Variants in LOC128125817 observed in about 807,000 individuals in gnomAD.
the LOC128125817 span, among the ~76,000 whole-genome samples, chr1:41,602,859 C>T: frequency 1.2e-4 from 18 of 151,948 alleles, no homozygotes; most frequent in Non-Finnish European, 1.9e-4. Flanking sequence ...TTTATCACAA[C>T]GAACTCTCTG....
At chr1:41,626,738 G>A in the LOC128125817 span, among the ~76,000 whole-genome samples, 1 of 152,160 alleles carries the variant, frequency 6.6e-6, no homozygotes, top group East Asian at 1.9e-4. Flanking sequence ...ACCAGGAAGT[G>A]CCCCAGGATG....
At chr1:41,595,146 T>C in the LOC128125817 span, among the ~76,000 whole-genome samples, 1 of 152,242 alleles carries the variant, frequency 6.6e-6, no homozygotes, top group East Asian at 1.9e-4. Context: ...TATACTTTTC[T>C]ACTGGCATTT....
At chr1:41,619,385 T>A in the LOC128125817 span, among the ~76,000 whole-genome samples, 1 of 152,194 alleles carries the variant, frequency 6.6e-6, no homozygotes, top group Non-Finnish European at 1.5e-5. Flanking sequence ...AGATAATATA[T>A]TTACATTTAT....
chr1:41,595,763 T>C, the LOC128125817 span, among the ~76,000 whole-genome samples: 1 of 152,178 alleles, frequency 6.6e-6, no homozygotes, highest in South Asian at 2.1e-4. Flanking sequence ...TAGAAGAACA[T>C]GAAAAGACTA....
At chr1:41,597,422 G>T in the LOC128125817 span, among the ~76,000 whole-genome samples, 7 of 152,190 alleles carry the variant, frequency 4.6e-5, no homozygotes, top group African/African-American at 1.7e-4. Context: ...CTAAACCAAT[G>T]TCCTGTGCCT....
At chr1:41,594,258 T>C in the LOC128125817 span, among the ~76,000 whole-genome samples, 407 of 152,360 alleles carry the variant, frequency 2.7e-3, 3 homozygotes, top group Non-Finnish European at 4.2e-3. Context: ...AGTCTCGCTC[T>C]GTTGCCCAGG....
At chr1:41,610,751 T>C in the LOC128125817 span, among the ~76,000 whole-genome samples, 1 of 152,202 alleles carries the variant, frequency 6.6e-6, no homozygotes, top group Non-Finnish European at 1.5e-5. Context: ...CAATTTCTTG[T>C]GAGGCATTCG....
chr1:41,595,367 T>C, the LOC128125817 span, among the ~76,000 whole-genome samples: 1 of 152,192 alleles, frequency 6.6e-6, no homozygotes, highest in Non-Finnish European at 1.5e-5. Context: ...CCTGTCAAAA[T>C]AGGGCCCACC....
the LOC128125817 span, among the ~76,000 whole-genome samples, chr1:41,616,791 A>G: frequency 5.3e-5 from 8 of 152,076 alleles, no homozygotes; most frequent in African/African-American, 1.9e-4. Flanking sequence ...TCCTATGTAC[A>G]TTCCTCAGCA....
chr1:41,609,444 G>T, the LOC128125817 span, among the ~76,000 whole-genome samples: 1 of 152,230 alleles, frequency 6.6e-6, no homozygotes, highest in Non-Finnish European at 1.5e-5. Context: ...TAGGCACCTG[G>T]CAGGCTGTGT....
At chr1:41,600,748 G>T in the LOC128125817 span, among the ~76,000 whole-genome samples, 1 of 152,126 alleles carries the variant, frequency 6.6e-6, no homozygotes, top group Admixed American at 6.5e-5. Context: ...CAAGCAAGAG[G>T]TTATCTAAAT....
chr1:41,622,535 C>A, the LOC128125817 span, among the ~76,000 whole-genome samples: 4 of 152,294 alleles, frequency 2.6e-5, no homozygotes, highest in South Asian at 8.3e-4. Flanking sequence ...TGGAACACAA[C>A]CACGCCCATT....
the LOC128125817 span, among the ~76,000 whole-genome samples, chr1:41,599,995 T>A: frequency 6.6e-6 from 1 of 151,910 alleles, no homozygotes; most frequent in East Asian, 1.9e-4. Flanking sequence ...ACTAGGGAAA[T>A]GAAAAATCAA....
chr1:41,585,379 C>G, the LOC128125817 span: 4 of 398,660 alleles, frequency 1.0e-5, no homozygotes, highest in Non-Finnish European at 1.8e-5. Flanking sequence ...GACAGAGTTA[C>G]TGGGACTCAT....
At chr1:41,627,208 C>G in the LOC128125817 span, among the ~76,000 whole-genome samples, 1 of 152,176 alleles carries the variant, frequency 6.6e-6, no homozygotes, top group Admixed American at 6.5e-5. Flanking sequence ...TTTGGGAGGT[C>G]CTTGTTAACG....
At chr1:41,597,193 C>T in the LOC128125817 span, among the ~76,000 whole-genome samples, 16 of 152,176 alleles carry the variant, frequency 1.1e-4, no homozygotes, top group Non-Finnish European at 2.2e-4. Context: ...GAGTTAGACC[C>T]GGCTGGTATT....
chr1:41,592,958 T>C, the LOC128125817 span, among the ~76,000 whole-genome samples: 1 of 152,176 alleles, frequency 6.6e-6, no homozygotes, highest in Non-Finnish European at 1.5e-5. Flanking sequence ...TGACCCTCTC[T>C]TGGGCTGTCA....
chr1:41,627,040 C>T, the LOC128125817 span, among the ~76,000 whole-genome samples: 2 of 152,184 alleles, frequency 1.3e-5, no homozygotes, highest in Non-Finnish European at 2.9e-5. Context: ...TGTAAAGTAC[C>T]AACCATGTGG....
the LOC128125817 span, among the ~76,000 whole-genome samples, chr1:41,607,415 A>T: frequency 6.6e-6 from 1 of 152,176 alleles, no homozygotes; most frequent in African/African-American, 2.4e-5. Flanking sequence ...CAATTTCAGC[A>T]AGTATTTCCT....
Sources: gnomAD v4.1 joint callset for allele counts (sites outside exome capture counted in the v4.1 genomes callset) on GRCh38, gnomAD v4.1.1 for gene constraint, MANE v1.5 for transcripts.